Variants in DYM observed in about 807,000 individuals in gnomAD.
DYM encodes dyggve-Melchior-Clausen syndrome protein.
A neutral mutation model predicts 93.1 loss-of-function variants in DYM; 78 were observed. That is an observed-to-expected ratio of 0.84 (90% CI 0.70 to 1.01). The LOEUF (loss-of-function observed/expected upper bound fraction) is 1.01, where lower values mean the gene tolerates loss of function less well. DYM is among the 50% of genes least tolerant of loss of function. The pLI is 0.00. For missense variants in DYM, 789 were observed against 845.0 expected (o/e 0.93, Z 0.82); for synonymous variants, 321 against 319.7 (o/e 1.00, Z -0.04).
rs1228604838 is a variant in DYM, at chr18:49,292,295, C to CACAG, written c.764-5683_764-5680dup. Among the ~76,000 whole-genome samples the CACAG allele has an allele frequency of 5.1e-4, 69 of 136,334 alleles. 2 individuals are homozygous for CACAG. The highest frequency in any genetic ancestry group is 4.4e-3 in the East Asian group (16 of 3,638). The allele number at this position is 136,334 out of a possible 152,430, so 89.4% of individuals were successfully genotyped here. On this transcript the variant is annotated intron_variant, in intron 8 of 17. Transcript: ENST00000675505. ...CTCCATCTTTCCCTGAATCCACCAA[C>CACAG]ACAGACAGACAGACAGACAGGCAGG... is the stretch of plus-strand genomic sequence containing the variant.
chr18:49,422,570 C>T lies in DYM; in HGVS notation c.140+7685G>A, dbSNP rs780405052. On this transcript the variant is annotated intron_variant, in intron 2 of 17. Coordinates refer to ENST00000675505, the MANE Select transcript of DYM (RefSeq NM_001353214.3). ...AATATTAACCTTAAATGTAAATGGG[C>T]TAAATGCTCCAATTAAAAGACACAG... Among the ~76,000 whole-genome samples the T allele has an allele frequency of 1.1e-3, 165 of 152,218 alleles. 1 individual carries two copies. The highest frequency in any genetic ancestry group is 3.4e-4 in the Non-Finnish European group (23 of 68,020).
At chr18:49,092,448 C>T (rs1053503385) in intron 17 of DYM, among the ~76,000 whole-genome samples, 1 of 152,232 alleles carries the variant, frequency 6.6e-6, no homozygotes, top group Non-Finnish European at 1.5e-5. Flanking sequence ...AACTTCTACA[C>T]CATTCATTTT....
At chr18:49,067,329 T>TGAGG (rs2076515573) in intron 17 of DYM, among the ~76,000 whole-genome samples, 1 of 128,576 alleles carries the variant, frequency 7.8e-6, no homozygotes, top group Non-Finnish European at 1.6e-5. Context: ...TGGGGTGATG[T>TGAGG]GTTATGGAGA....
At chr18:49,149,959 G>T (rs535558736) in intron 15 of DYM, among the ~76,000 whole-genome samples, 49 of 151,994 alleles carry the variant, frequency 3.2e-4, no homozygotes, top group Non-Finnish European at 5.7e-4. Flanking sequence ...TGCCTGCCTT[G>T]GTCTCCCAAA....
intron 8 of DYM, among the ~76,000 whole-genome samples, chr18:49,313,940 G>A (rs979254674): frequency 2.0e-5 from 3 of 151,970 alleles, no homozygotes; most frequent in African/African-American, 7.3e-5. Context: ...TTACCTCCAA[G>A]GGCTATTGTA....
intron 8 of DYM, among the ~76,000 whole-genome samples, chr18:49,301,112 G>T (rs1028032929): frequency 6.6e-6 from 1 of 152,166 alleles, no homozygotes; most frequent in Non-Finnish European, 1.5e-5. Flanking sequence ...TGAAAAAGAA[G>T]ATTTCAAATT....
chr18:49,130,428 C>A (rs2144056538), intron 15 of DYM, among the ~76,000 whole-genome samples: 1 of 152,306 alleles, frequency 6.6e-6, no homozygotes, highest in Admixed American at 6.5e-5. Flanking sequence ...TGTCCTAGCA[C>A]AATGTCCGGC....
chr18:49,300,056 A>T (rs2060810387), intron 8 of DYM, among the ~76,000 whole-genome samples: 1 of 145,142 alleles, frequency 6.9e-6, no homozygotes, highest in Non-Finnish European at 1.5e-5. Context: ...AAAAAAAAAA[A>T]AGCTATATAT....
intron 10 of DYM, among the ~76,000 whole-genome samples, chr18:49,278,687 G>C (rs1272302769): frequency 1.3e-5 from 2 of 152,084 alleles, no homozygotes; most frequent in Admixed American, 6.6e-5. Context: ...AGAGCTGCTG[G>C]TGGCCACCTG....
intron 16 of DYM, among the ~76,000 whole-genome samples, chr18:49,116,772 C>G (rs1183839389): frequency 6.6e-6 from 1 of 152,162 alleles, no homozygotes; most frequent in Admixed American, 6.5e-5. Flanking sequence ...AGACTATAAA[C>G]CACAATTTAC....
intron 13 of DYM, among the ~76,000 whole-genome samples, chr18:49,235,986 C>A (rs1409543290): frequency 6.6e-6 from 1 of 152,182 alleles, no homozygotes; most frequent in Non-Finnish European, 1.5e-5. Flanking sequence ...TTTCTAGCTA[C>A]ACAAGGAGTA....
chr18:49,345,318 T>C (rs1459414389), intron 6 of DYM, among the ~76,000 whole-genome samples: 1 of 152,170 alleles, frequency 6.6e-6, no homozygotes, highest in Non-Finnish European at 1.5e-5. Context: ...GGAATCCTGA[T>C]AAATGGCATC....
intron 13 of DYM, among the ~76,000 whole-genome samples, chr18:49,253,183 T>C (rs1036611885): frequency 8.5e-5 from 13 of 152,230 alleles, no homozygotes; most frequent in Admixed American, 6.5e-5. Context: ...GTTTTGCAAC[T>C]GACAAATATA....
chr18:49,286,368 T>A, intron 9 of DYM, 66 bp downstream of exon 9: 2 of 1,559,196 alleles, frequency 1.3e-6, no homozygotes, highest in Non-Finnish European at 8.8e-7. Flanking sequence ...TATAAGACAA[T>A]AAACAATATA....
At chr18:49,306,852 T>C (rs751800516) in intron 8 of DYM, among the ~76,000 whole-genome samples, 3 of 152,190 alleles carry the variant, frequency 2.0e-5, no homozygotes, top group Non-Finnish European at 2.9e-5. Flanking sequence ...TCACTGTGTT[T>C]TTGTTTCTTC....
intron 17 of DYM, among the ~76,000 whole-genome samples, chr18:49,050,724 A>G (rs2072324533): frequency 6.6e-6 from 1 of 151,978 alleles, no homozygotes. Context: ...ACCACCCTAT[A>G]AAAAACAAAA....
intron 14 of DYM, among the ~76,000 whole-genome samples, chr18:49,200,223 A>T (rs993621457): frequency 6.6e-6 from 1 of 152,066 alleles, no homozygotes; most frequent in African/African-American, 2.4e-5. Flanking sequence ...AGTGAGAGAA[A>T]AAATTTATTT....
intron 13 of DYM, among the ~76,000 whole-genome samples, chr18:49,228,292 C>A (rs16950454): frequency 0.21 from 32,554 of 151,986 alleles, 3,573 homozygotes; most frequent in East Asian, 0.36. Context: ...ACAATTTAGG[C>A]TGGGCTGGGA....
At chr18:49,067,749 A>G (rs1239150530) in intron 17 of DYM, among the ~76,000 whole-genome samples, 3 of 152,344 alleles carry the variant, frequency 2.0e-5, no homozygotes, top group South Asian at 4.1e-4. Flanking sequence ...ACAACAAAAT[A>G]AAGTATGCCA....
Sources: allele counts gnomAD v4.1 joint callset (sites outside exome capture counted in the v4.1 genomes callset), GRCh38; gene constraint gnomAD v4.1.1; transcripts MANE v1.5; gene names NCBI Gene and HGNC (gene_info 2026-07-23, HGNC 2026-07-21).